Variants in ZNF148 observed in about 807,000 individuals in gnomAD.
The protein encoded by ZNF148 is Beta-Enolase Repressor Factor-1.
ZNF148 carries 7 observed loss-of-function variants against 67.7 expected under a neutral mutation model. The ratio of observed to expected loss-of-function variants is 0.10; its 90% CI spans 0.06 to 0.19. The LOEUF (loss-of-function observed/expected upper bound fraction) is 0.19. Ranked by LOEUF, ZNF148 falls within the 10% of genes least tolerant of loss-of-function variation. The pLI is 1.00. For missense variants in ZNF148, 583 were observed against 947.1 expected (o/e 0.62, Z 5.05); for synonymous variants, 333 against 330.7 (o/e 1.01, Z -0.08).
intron 7 of ZNF148, among the ~76,000 whole-genome samples, chr3:125,252,367 G>A (rs1178611728): frequency 8.5e-6 from 1 of 116,988 alleles, no homozygotes; most frequent in Non-Finnish European, 2.2e-5. Flanking sequence ...TAAAAAAAAA[G>A]AAGTTTCATT....
At chr3:125,350,061 A>T (rs1271798874) in intron 1 of ZNF148, among the ~76,000 whole-genome samples, 1 of 152,178 alleles carries the variant, frequency 6.6e-6, no homozygotes, top group Non-Finnish European at 1.5e-5. Flanking sequence ...TATTTTTTTT[A>T]AAGTTCAGAG....
intron 3 of ZNF148, among the ~76,000 whole-genome samples, chr3:125,320,262 T>C (rs9855330): frequency 0.77 from 117,251 of 152,096 alleles, 45,739 homozygotes; most frequent in African/African-American, 0.85. Context: ...ATATGGCTAA[T>C]AAATGTAAAA....
chr3:125,351,049 TGAG>T (rs1175957887), intron 1 of ZNF148, among the ~76,000 whole-genome samples: 1 of 151,496 alleles, frequency 6.6e-6, no homozygotes, highest in African/African-American at 2.4e-5. Context: ...GAGGTAGAAA[TGAG>T]GAGTTGAGGC....
intron 1 of ZNF148, among the ~76,000 whole-genome samples, chr3:125,367,099 T>A (rs936910205): frequency 2.0e-5 from 3 of 152,220 alleles, no homozygotes; most frequent in Non-Finnish European, 1.5e-5. Context: ...CTTTTGCATA[T>A]AACAAATGTG....
At chr3:125,309,365 T>C (rs898487646) in intron 4 of ZNF148, among the ~76,000 whole-genome samples, 2 of 152,156 alleles carry the variant, frequency 1.3e-5, no homozygotes, top group Non-Finnish European at 2.9e-5. Context: ...CAAGACAGTC[T>C]TGCAAGCAAA....
intron 7 of ZNF148, among the ~76,000 whole-genome samples, chr3:125,252,342 TAGAAGTTTCATTATTAAAAAAAA>T (rs145730114): frequency 0.23 from 34,895 of 151,538 alleles, 5,214 homozygotes; most frequent in Middle Eastern, 0.35. Flanking sequence ...AGTTTTCTAA[TAGAAGTTTCATTATTAAAAAAAA>T]AGAAGTTTCA....
chr3:125,349,481 C>T (rs1026746248), intron 1 of ZNF148, among the ~76,000 whole-genome samples: 2 of 152,166 alleles, frequency 1.3e-5, no homozygotes, highest in African/African-American at 4.8e-5. Flanking sequence ...TAAGCAGATG[C>T]TCACCATCAG....
chr3:125,306,363 AACAG>A (rs1440266597), intron 4 of ZNF148, among the ~76,000 whole-genome samples: 7 of 152,126 alleles, frequency 4.6e-5, no homozygotes, highest in Admixed American at 1.3e-4. Flanking sequence ...TCACTATTTG[AACAG>A]ACAATGAAAA....
intron 4 of ZNF148, among the ~76,000 whole-genome samples, chr3:125,305,571 G>A (rs529717537): frequency 2.5e-4 from 38 of 151,744 alleles, no homozygotes; most frequent in African/African-American, 8.8e-4. Flanking sequence ...CAGTACTTTG[G>A]GAGGTGAAAG....
chr3:125,351,380 CAAAAAAAA>C (rs1158167448), intron 1 of ZNF148, among the ~76,000 whole-genome samples: 16 of 51,352 alleles, frequency 3.1e-4, no homozygotes, highest in South Asian at 9.5e-4. Context: ...CCTTGTTTCT[CAAAAAAAA>C]AAAAAAAAAA....
Position 125,233,999 on chromosome 3 carries a change from A to T in ZNF148, c.787-60T>A. ...TGGTTTTGGTCAACCAAGAAAAGAA[A>T]AAGTGAAACAAAACAATTAATATAA... On this transcript the variant is annotated intron_variant, in intron 8 of 8. Coordinates refer to ENST00000360647, the MANE Select transcript of ZNF148 (RefSeq NM_021964.3). The surrounding 1 kb of genome is among the most constrained non-coding windows in gnomAD (Gnocchi z 5.1). 6.6e-7 allele frequency: 1 copy of T among 1,513,552 alleles called. No individual in the cohort carries two copies. The highest frequency in any genetic ancestry group is 8.8e-7 in the Non-Finnish European group (1 of 1,138,322). 93.8% of individuals were successfully genotyped at this position (1,513,552 alleles called of 1,614,324 possible). A position where few individuals can be genotyped will look rare whatever the true frequency, so the allele number is the denominator to read the frequency against.
chr3:125,348,698 A>G (rs534954623), intron 1 of ZNF148, among the ~76,000 whole-genome samples: 4 of 152,324 alleles, frequency 2.6e-5, no homozygotes, highest in South Asian at 4.1e-4. Flanking sequence ...CAGATTCAAT[A>G]CGATCTCAAT....
chr3:125,373,177 G>A (rs1021460026), intron 1 of ZNF148, among the ~76,000 whole-genome samples: 24 of 150,568 alleles, frequency 1.6e-4, no homozygotes, highest in African/African-American at 5.6e-4. Flanking sequence ...AGGCATGGTG[G>A]TTCACACCTG....
chr3:125,249,865 C>T (rs1936763581), intron 7 of ZNF148, among the ~76,000 whole-genome samples: 1 of 152,022 alleles, frequency 6.6e-6, no homozygotes, highest in Non-Finnish European at 1.5e-5. Context: ...GAAAGCCTGT[C>T]ATTTGTGACA....
intron 4 of ZNF148, among the ~76,000 whole-genome samples, chr3:125,309,161 T>C (rs909482587): frequency 1.3e-5 from 2 of 152,220 alleles, no homozygotes; most frequent in Admixed American, 6.5e-5. Flanking sequence ...TTATGGATTA[T>C]ACAAGTTTAT....
intron 7 of ZNF148, among the ~76,000 whole-genome samples, chr3:125,253,062 T>G (rs1310744737): frequency 6.6e-6 from 1 of 152,222 alleles, no homozygotes; most frequent in Non-Finnish European, 1.5e-5. Flanking sequence ...TCTGCTGGTA[T>G]TTGATATTTT....
chr3:125,247,117 T>C (rs1936636021), intron 7 of ZNF148, among the ~76,000 whole-genome samples: 1 of 152,238 alleles, frequency 6.6e-6, no homozygotes, highest in Admixed American at 6.5e-5. Context: ...TGGTAACTAA[T>C]GAAATAATTA....
At chr3:125,255,245 T>C (rs1020035524) in intron 7 of ZNF148, among the ~76,000 whole-genome samples, 1 of 134,466 alleles carries the variant, frequency 7.4e-6, no homozygotes, top group African/African-American at 2.9e-5. Context: ...GCTTTTTTTT[T>C]TTTTTTTTTT....
chr3:125,308,301 C>T (rs927937190), intron 4 of ZNF148, among the ~76,000 whole-genome samples: 9 of 152,194 alleles, frequency 5.9e-5, no homozygotes, highest in East Asian at 1.9e-4. Context: ...TTTATGATAG[C>T]ATCCAACCAA....
Sources: gnomAD v4.1 joint callset for allele counts (sites outside exome capture counted in the v4.1 genomes callset) on GRCh38, gnomAD v4.1.1 for gene constraint, Gnocchi (gnomAD v3.1) non-coding constraint, MANE v1.5 for transcripts, NCBI Gene and HGNC (gene_info 2026-07-23, HGNC 2026-07-21) for gene names.